BCAS3: variants seen among roughly 807,000 people sequenced by gnomAD.
BCAS3 encodes BCAS3 microtubule associated cell migration factor.
Under a neutral mutation model 116.1 loss-of-function variants are expected in BCAS3, and 53 were observed. That is an observed-to-expected ratio of 0.46 (90% CI 0.37 to 0.57). BCAS3 has a LOEUF of 0.57. Among genes scored for constraint, BCAS3 ranks in the 20% least tolerant of loss-of-function variants. The probability of loss-of-function intolerance (pLI) is 0.00; values close to 1 mark genes in which losing one functional copy is unlikely to be tolerated. For synonymous variants in BCAS3, 391 were observed against 408.2 expected (o/e 0.96, Z 0.51); for missense variants, 917 against 1,165.4 (o/e 0.79, Z 3.10).
At chr17:61,358,032 G>A (rs1304158861) in intron 22 of BCAS3, among the ~76,000 whole-genome samples, 2 of 151,132 alleles carry the variant, frequency 1.3e-5, no homozygotes, top group African/African-American at 4.9e-5. Context: ...AGGTTACAGT[G>A]AGCTGAAAGC....
At chr17:60,706,210 C>A (rs1305172393) in intron 4 of BCAS3, among the ~76,000 whole-genome samples, 1 of 151,870 alleles carries the variant, frequency 6.6e-6, no homozygotes, top group Non-Finnish European at 1.5e-5. Flanking sequence ...TTACAGGCAC[C>A]CACCACCACG....
At chr17:61,079,754 C>G (rs1057439911) in intron 21 of BCAS3, among the ~76,000 whole-genome samples, 30 of 151,912 alleles carry the variant, frequency 2.0e-4, no homozygotes, top group Non-Finnish European at 7.4e-5. Flanking sequence ...CGCCACCAGA[C>G]CCAGCTAATT....
At chr17:61,116,039 A>G (rs2075414225) in intron 22 of BCAS3, among the ~76,000 whole-genome samples, 3 of 145,976 alleles carry the variant, frequency 2.1e-5, no homozygotes, top group African/African-American at 5.0e-5. Flanking sequence ...GGAATTGAAC[A>G]ATGAGATCAC....
chr17:60,713,587 T>C (rs1322761019), intron 5 of BCAS3, among the ~76,000 whole-genome samples: 1 of 152,248 alleles, frequency 6.6e-6, no homozygotes, highest in Non-Finnish European at 1.5e-5. Context: ...TAGAGTTTTC[T>C]TTCTTGTCAT....
rs962760116 is a variant in BCAS3, at chr17:60,993,476, T to C, written c.1486+3241T>C. On this transcript the variant is annotated intron_variant, in intron 15 of 23. Coordinates refer to ENST00000407086, the MANE Select transcript of BCAS3 (RefSeq NM_017679.5). This position sits in a 1 kb window ranked among gnomAD's most constrained non-coding sequence, Gnocchi z 4.2. ...ATTTCAGGCAGCCTATTCCTCCTGA[T>C]AGATAACACGTGTTAAAATTTTATT... Among the ~76,000 whole-genome samples the C allele has an allele frequency of 6.6e-6, 1 of 152,216 alleles. No homozygotes were observed. Among genetic ancestry groups the C allele is most frequent in the African/African-American group, 2.4e-5 (1 of 41,462 alleles).
intron 14 of BCAS3, among the ~76,000 whole-genome samples, chr17:60,965,300 C>A (rs2061598894): frequency 6.7e-6 from 1 of 149,406 alleles, no homozygotes; most frequent in South Asian, 2.1e-4. Context: ...TGGCTCACTG[C>A]AACCTCTGCC....
At chr17:61,135,834 G>GT (rs1568427032) in intron 22 of BCAS3, 1 of 152,276 alleles carries the variant, frequency 6.6e-6, no homozygotes, top group Non-Finnish European at 1.5e-5. Flanking sequence ...TTGAGCAGCT[G>GT]TAACAGAGAC....
Position 61,282,303 on chromosome 17 carries a change from A to T in BCAS3, c.2426-86024A>T, listed in dbSNP as rs2051306158. Among the ~76,000 whole-genome samples the T allele has an allele frequency of 6.6e-6, 1 of 152,210 alleles. No individual in the cohort carries two copies. ...TTTATTGCTTCTTTGGGAATACCTT[A>T]CCGATGAGAAGGCTTTCCTGAGCCT... On this transcript the variant is annotated intron_variant, in intron 22 of 23. Transcript: ENST00000407086. The surrounding 1 kb of genome is among the most constrained non-coding windows in gnomAD (Gnocchi z 5.9).
At chr17:60,880,860 T>A (rs1567777683) in intron 9 of BCAS3, among the ~76,000 whole-genome samples, 1 of 152,240 alleles carries the variant, frequency 6.6e-6, no homozygotes, top group Non-Finnish European at 1.5e-5. Context: ...TACTGAGTGG[T>A]AATATTTTAT....
chr17:60,832,571 G>A (rs565357341), intron 7 of BCAS3, among the ~76,000 whole-genome samples: 1 of 152,270 alleles, frequency 6.6e-6, no homozygotes, highest in African/African-American at 2.4e-5. Flanking sequence ...GTGAACTGAG[G>A]CTTGCCTGAG....
intron 6 of BCAS3, among the ~76,000 whole-genome samples, chr17:60,803,893 C>T (rs1205979056): frequency 6.7e-6 from 1 of 148,610 alleles, no homozygotes; most frequent in Non-Finnish European, 1.5e-5. Flanking sequence ...CCTCTGCTTC[C>T]CGGGTTTGAG....
intron 14 of BCAS3, among the ~76,000 whole-genome samples, chr17:60,951,245 CTTA>C (rs1003239538): frequency 3.3e-5 from 5 of 151,936 alleles, no homozygotes; most frequent in African/African-American, 1.2e-4. Flanking sequence ...TTATTTTTCT[CTTA>C]TTATATTGTC....
intron 6 of BCAS3, among the ~76,000 whole-genome samples, chr17:60,778,171 C>CT (rs942102502): frequency 8.4e-4 from 124 of 146,770 alleles, no homozygotes; most frequent in East Asian, 1.4e-3. Context: ...GTCCAATTAT[C>CT]TTTTTTTTTT....
chr17:60,859,142 A>G (rs2053938530), intron 7 of BCAS3, among the ~76,000 whole-genome samples: 1 of 152,148 alleles, frequency 6.6e-6, no homozygotes, highest in Admixed American at 6.5e-5. Context: ...TAAACATATG[A>G]CTTAATATGT....
chr17:61,240,016 G>C (rs867285081), intron 22 of BCAS3, among the ~76,000 whole-genome samples: 2 of 152,312 alleles, frequency 1.3e-5, no homozygotes, highest in Middle Eastern at 3.4e-3. Context: ...GGGGTTTTCT[G>C]TGTGGGCATT....
rs2058498447 is a variant in BCAS3, at chr17:61,362,419, A to G, written c.2426-5908A>G. Among the ~76,000 whole-genome samples the G allele has an allele frequency of 6.6e-6, 1 of 152,236 alleles. No individual in the cohort carries two copies. Among genetic ancestry groups the G allele is most frequent in the African/African-American group, 2.4e-5 (1 of 41,460 alleles). ...CTCAGCAAAATCCAAACCTGGGCAG[A>G]ACCTCATTAACGCAAAGCGGAGGCT... On this transcript the variant is annotated intron_variant, in intron 22 of 23. Coordinates refer to ENST00000407086, the MANE Select transcript of BCAS3 (RefSeq NM_017679.5). The surrounding 1 kb of genome is among the most constrained non-coding windows in gnomAD (Gnocchi z 4.4).
rs754801719 is a variant in BCAS3, at chr17:61,032,897, A to G, written c.1638-1769A>G. 2.6e-5 allele frequency among the ~76,000 whole-genome samples: 4 copies of G among 152,182 alleles called. No homozygotes were observed. Among genetic ancestry groups the G allele is most frequent in the Non-Finnish European group, 1.5e-5 (1 of 68,016 alleles). ...ATGGCAGAAGAGGTTTCTTTCATAT[A>G]TAGTAATATGCATTACCATGGATTT... On this transcript the variant is annotated intron_variant, in intron 16 of 23. Coordinates refer to ENST00000407086, the MANE Select transcript of BCAS3 (RefSeq NM_017679.5). This position sits in a 1 kb window ranked among gnomAD's most constrained non-coding sequence, Gnocchi z 4.6.
intron 6 of BCAS3, among the ~76,000 whole-genome samples, chr17:60,780,997 C>T (rs761624935): frequency 2.6e-5 from 4 of 151,734 alleles, no homozygotes; most frequent in Non-Finnish European, 4.4e-5. Flanking sequence ...GAGATGGAGT[C>T]TCACTCTGTC....
intron 22 of BCAS3, among the ~76,000 whole-genome samples, chr17:61,150,266 C>G (rs1209973670): frequency 2.0e-5 from 3 of 152,104 alleles, no homozygotes; most frequent in Admixed American, 2.0e-4. Flanking sequence ...GCTCTCATTC[C>G]CACTCTTTAG....
Sources: gnomAD v4.1 joint callset for allele counts (sites outside exome capture counted in the v4.1 genomes callset) on GRCh38, gnomAD v4.1.1 for gene constraint, Gnocchi (gnomAD v3.1) non-coding constraint, MANE v1.5 for transcripts, NCBI Gene and HGNC (gene_info 2026-07-23, HGNC 2026-07-21) for gene names.